The following ACSM2B variants were observed in gnomAD, a reference collection of about 807,000 sequenced individuals.
The protein encoded by ACSM2B is acyl-CoA synthetase medium chain family member 2B, also known as acyl-coenzyme A synthetase ACSM2B, mitochondrial.
A neutral mutation model predicts 78.6 loss-of-function variants in ACSM2B; 58 were observed. That is an observed-to-expected ratio of 0.74 (90% confidence interval 0.60 to 0.92). The LOEUF (loss-of-function observed/expected upper bound fraction) is 0.92. Ranked by LOEUF, ACSM2B falls within the 40% of genes least tolerant of loss-of-function variation. The probability of loss-of-function intolerance (pLI) is 0.00; values close to 1 mark genes in which losing one functional copy is unlikely to be tolerated. For missense variants in ACSM2B, 688 were observed against 711.2 expected, an observed-to-expected ratio of 0.97 and a Z score of 0.37; for synonymous variants, 257 against 256.8, an observed-to-expected ratio of 1.00 and a Z score of -0.01.
intron 1 of ACSM2B, among the ~76,000 whole-genome samples, chr16:20,565,859 C>G (rs1353641839): frequency 6.6e-6 from 1 of 151,848 alleles, no homozygotes; most frequent in Non-Finnish European, 1.5e-5. Context: ...TTGTGTCATA[C>G]TCATGACTTT....
rs771891642 is a variant in ACSM2B, at chr16:20,560,067, T to G, written c.178-620A>C. Among the ~76,000 whole-genome samples, 57 of 151,144 alleles carry G rather than the reference T, an allele frequency of 3.8e-4. 1 individual carries two copies. Among genetic ancestry groups the G allele is most frequent in the Non-Finnish European group, 7.2e-4 (49 of 68,004 alleles). On this transcript the variant is annotated intron_variant, in intron 2 of 13. Transcript: ENST00000329697. ...TTTTGAGTGTACAGTTCAGTGGCAT[T>G]AAGTACATTCTCATTGTTATGCAAC...
At chr16:20,572,768 TG>T (rs2016125769) in intron 1 of ACSM2B, among the ~76,000 whole-genome samples, 1 of 151,832 alleles carries the variant, frequency 6.6e-6, no homozygotes, top group African/African-American at 2.4e-5. Flanking sequence ...CTTTGTTCAT[TG>T]AAAAATTTTT....
chr16:20,555,583 G>A, intron 3 of ACSM2B, 107 bp from the exon 4 acceptor site: 2 of 1,544,554 alleles, frequency 1.3e-6, no homozygotes, highest in East Asian at 2.3e-5. Flanking sequence ...GAGAGGATGG[G>A]GAAGTAATGA....
chr16:20,572,060 A>C, intron 1 of ACSM2B, among the ~76,000 whole-genome samples: 1 of 142,750 alleles, frequency 7.0e-6, no homozygotes, highest in South Asian at 2.4e-4. Flanking sequence ...TACTTAGGCC[A>C]TTTACATTCA....
intron 12 of ACSM2B, 151 bp from the exon 13 acceptor site, chr16:20,540,924 G>A (rs1185898583): frequency 2.4e-6 from 3 of 1,228,342 alleles, no homozygotes; most frequent in Non-Finnish European, 3.3e-6. Context: ...GAGAAACTGG[G>A]GACAAGAATG....
intron 6 of ACSM2B, chr16:20,549,599 C>T (rs534853543): frequency 3.7e-6 from 1 of 270,016 alleles, no homozygotes; most frequent in Non-Finnish European, 7.3e-6. Flanking sequence ...ATGAAAGGAG[C>T]CAAACTCTGT....
chr16:20,555,113 A>T (rs2015430096), intron 4 of ACSM2B, among the ~76,000 whole-genome samples, 156 bp downstream of exon 4: 1 of 151,614 alleles, frequency 6.6e-6, no homozygotes. Context: ...ACTTGAAAAA[A>T]AAAACCCTTG....
Position 20,547,710 on chromosome 16 carries a change from C to G in ACSM2B, c.1098+352G>C, listed in dbSNP as rs913833049. On this transcript the variant is annotated intron_variant, in intron 8 of 13. Transcript: ENST00000329697. ...ACTTTGGTCTCTGCTAAAATGTTTC[C>G]CCATCACAGAGGAACTTTCTGACTA... The G allele has an allele frequency of 2.2e-5, 24 of 1,093,190 alleles. No homozygotes were observed. In the African/African-American group the frequency reaches 3.8e-4, roughly 17 times the overall value. The allele number at this position is 1,093,190 out of a possible 1,614,324, so 67.7% of individuals were successfully genotyped here. A position where few individuals can be genotyped will look rare whatever the true frequency, so the allele number is the denominator to read the frequency against.
Position 20,537,211 on chromosome 16 carries a change from AG to A in ACSM2B, c.*46del, listed in dbSNP as rs1236271428. 1 of 1,604,852 alleles carries A rather than the reference AG, an allele frequency of 6.2e-7. No individual in the cohort carries two copies. The highest frequency in any genetic ancestry group is 1.3e-5 in the African/African-American group (1 of 74,862). ...GTAAGGCCAAGGGCCCAAAGGGAAA[AG>A]AAAGAGAAAGAAGAGGGGAATCCAA... On this transcript the variant is annotated 3_prime_UTR_variant, in exon 14 of 14. Transcript: ENST00000329697.
At chr16:20,550,902 A>T (rs1483831607) in intron 6 of ACSM2B, among the ~76,000 whole-genome samples, 2 of 152,152 alleles carry the variant, frequency 1.3e-5, no homozygotes, top group African/African-American at 2.4e-5. Context: ...ATTCTTCCGA[A>T]TTGCTTCTAG....
chr16:20,567,812 A>G (rs2015972975), intron 1 of ACSM2B, among the ~76,000 whole-genome samples: 2 of 141,718 alleles, frequency 1.4e-5, no homozygotes, highest in South Asian at 4.2e-4. Context: ...ATAGTATGGT[A>G]TGTATAGATA....
In ACSM2B at chr16:20,559,465, C is replaced by G. The variant is rs188171953; in HGVS notation, c.178-18G>C. ...TTGCCAGCCTGAGGAAAGAGAAACC[C>G]TGTTGATTAGGGGGCATTGGTACAC... On this transcript the variant is annotated intron_variant, in intron 2 of 13. Coordinates refer to ENST00000329697, the MANE Select transcript of ACSM2B (RefSeq NM_001105069.2). 2 of 1,612,454 alleles carry G rather than the reference C, an allele frequency of 1.2e-6. No individual in the cohort carries two copies. The highest frequency in any genetic ancestry group is 4.5e-5 in the East Asian group (2 of 44,870).
Position 20,548,395 on chromosome 16 carries a change from T to G in ACSM2B, c.973A>C (p.Ser325Arg). The change falls in exon 7 of 14, where the codon AGT becomes CGT. Residue 325 changes from serine (S) to arginine (R), a missense_variant and splice_region_variant. By Grantham distance (110) the Ser-to-Arg change is moderately radical (BLOSUM62 -1). Coordinates refer to ENST00000329697, the MANE Select transcript of ACSM2B (RefSeq NM_001105069.2). The part of the protein sequence containing the change: ...YRMLLQQDLS[S>R]YKFPHLQNCL... ...TACCAATCCTCAAAGCCCCATCACC[T>G]GGAAAGATCCTGCTGTAGCAACATC... 1 of 1,613,652 alleles carries G rather than the reference T, an allele frequency of 6.2e-7. No homozygotes were observed. The highest frequency in any genetic ancestry group is 8.5e-7 in the Non-Finnish European group (1 of 1,179,714).
rs776325691 is a variant in ACSM2B at position 20,570,566 on chromosome 16, C to T, written c.-9+5641G>A. On this transcript the variant is annotated intron_variant, in intron 1 of 13. Coordinates refer to ENST00000329697, the MANE Select transcript of ACSM2B (RefSeq NM_001105069.2). ...TTCTGGTTTGGGTATGAGGGTAATA[C>T]TGGCTTCATAGAATGATTTAGGGAG... 2.4e-4 allele frequency among the ~76,000 whole-genome samples: 37 copies of T among 151,958 alleles called. No individual in the cohort carries two copies. The Middle Eastern group carries it at 0.014, about 56-fold the overall frequency.
At position 20,548,183 on chromosome 16, in the gene ACSM2B, T is replaced by C. The variant is rs150487730; in HGVS notation, c.977A>G (p.Tyr326Cys). The C allele has an allele frequency of 7.4e-6, 12 of 1,613,890 alleles. No homozygotes were observed. The African/African-American group carries it at 1.3e-4, about 18-fold the overall frequency. ...GCAGTTCTGTAGATGGGGGAACTTG[T>C]AACTGAAGAAGAGAAATAAATGTTT... ...RMLLQQDLSS[Y>C]KFPHLQNCLA... Residue 326 changes from tyrosine to cysteine, a missense_variant and splice_region_variant, in exon 8 of 14, where the codon TAC becomes TGC. Physicochemically the swap from Tyr to Cys is radical, Grantham distance 194. Coordinates refer to ENST00000329697, the MANE Select transcript of ACSM2B (RefSeq NM_001105069.2).
chr16:20,557,408 C>A (rs200613560), intron 3 of ACSM2B, among the ~76,000 whole-genome samples: 7,636 of 150,456 alleles, frequency 0.051, 334 homozygotes, highest in East Asian at 0.19. Flanking sequence ...TATTAGTTCC[C>A]CCCCAATTGC....
At chr16:20,566,840 C>G (rs1309059433) in intron 1 of ACSM2B, among the ~76,000 whole-genome samples, 6 of 113,898 alleles carry the variant, frequency 5.3e-5, no homozygotes, top group Non-Finnish European at 6.9e-5. Flanking sequence ...TATATATATA[C>G]TATATATAGA....
chr16:20,550,149 T>C (rs1263719869), intron 6 of ACSM2B, among the ~76,000 whole-genome samples: 1 of 152,168 alleles, frequency 6.6e-6, no homozygotes, highest in Admixed American at 6.6e-5. Flanking sequence ...TCCATTCAGA[T>C]GGTTGGGAGG....
At chr16:20,566,964 T>C (rs988208079) in intron 1 of ACSM2B, among the ~76,000 whole-genome samples, 1 of 126,560 alleles carries the variant, frequency 7.9e-6, no homozygotes, top group African/African-American at 2.9e-5. Flanking sequence ...ATATATTATA[T>C]ATTATATATT....
Sources: gnomAD v4.1 joint callset for allele counts (sites outside exome capture counted in the v4.1 genomes callset) on GRCh38, gnomAD v4.1.1 for gene constraint, MANE v1.5 for transcripts, NCBI Gene and HGNC (gene_info 2026-07-23, HGNC 2026-07-21) for gene names.